Variants in PLA2G6 observed in about 807,000 individuals in gnomAD.
PLA2G6 encodes phospholipase A2 group VI, also known as 85/88 kDa calcium-independent phospholipase A2.
Under a neutral mutation model 83.8 loss-of-function variants are expected in PLA2G6, and 62 were observed. The observed-to-expected ratio is 0.74, with a 90% confidence interval of 0.60 to 0.91. The LOEUF (loss-of-function observed/expected upper bound fraction) is 0.91, where lower values mean the gene tolerates loss of function less well. PLA2G6 is among the 40% of genes least tolerant of loss of function. The pLI is 0.00. For missense variants in PLA2G6, 944 were observed against 1,102.0 expected, an observed-to-expected ratio of 0.86 and a Z score of 2.03; for synonymous variants, 417 against 449.8, an observed-to-expected ratio of 0.93 and a Z score of 0.92.
chr22:38,128,867 GCAGACACACACGTGTGCA>G lies in PLA2G6; in HGVS notation c.1187-455_1187-438del, dbSNP rs1340970719. Among the ~76,000 whole-genome samples the G allele has an allele frequency of 1.3e-5, 2 of 152,250 alleles. No homozygotes were observed. Among genetic ancestry groups the G allele is most frequent in the African/African-American group, 4.8e-5 (2 of 41,474 alleles). ...AAAGGAGGTCATAGATGCGGTGCAT[GCAGACACACACGTGTGCA>G]CTGGCACACACACACTGCTGCCATC... is the stretch of plus-strand genomic sequence containing the variant. On this transcript the variant is annotated intron_variant, in intron 8 of 16. Transcript: ENST00000332509. This position sits in a 1 kb window ranked among gnomAD's most constrained non-coding sequence, Gnocchi z 4.4.
In PLA2G6 at chr22:38,155,187, A is replaced by C. The variant is rs138344548; in HGVS notation, c.210-9534T>G. ...GCTTGCAGTGAGCGGAAATCGCGCC[A>C]CTGCACTCCAGCCTGGGCGACAGAG... On this transcript the variant is annotated intron_variant, in intron 2 of 16. Transcript: ENST00000332509. Among the ~76,000 whole-genome samples the C allele has an allele frequency of 5.4e-3, 821 of 152,008 alleles. 7 individuals carry two copies. Among genetic ancestry groups the C allele is most frequent in the African/African-American group, 0.019 (783 of 41,468 alleles).
intron 2 of PLA2G6, among the ~76,000 whole-genome samples, chr22:38,153,868 CA>C (rs1344735363): frequency 6.6e-6 from 1 of 152,172 alleles, no homozygotes; most frequent in Non-Finnish European, 1.5e-5. Flanking sequence ...GAGGGGAGCC[CA>C]CTACCCTAAA....
chr22:38,121,092 T>G, intron 11 of PLA2G6, 183 bp from the exon 12 acceptor site: 2 of 613,228 alleles, frequency 3.3e-6, no homozygotes, highest in Non-Finnish European at 5.7e-6. Flanking sequence ...AGAAACCTCC[T>G]TCCGGCTGGA....
intron 4 of PLA2G6, 90 bp downstream of exon 4, chr22:38,143,015 T>C (rs2089011446): frequency 1.2e-5 from 15 of 1,224,350 alleles, no homozygotes; most frequent in Middle Eastern, 1.9e-4. Context: ...GTGAGAGGCC[T>C]GAGAGTGACA....
intron 10 of PLA2G6, among the ~76,000 whole-genome samples, chr22:38,125,347 C>T (rs773874788): frequency 1.2e-4 from 19 of 152,076 alleles, no homozygotes; most frequent in East Asian, 1.9e-4. Flanking sequence ...CGTGTGCCCG[C>T]GTGCAAGAGC....
intron 2 of PLA2G6, among the ~76,000 whole-genome samples, chr22:38,165,975 C>T (rs1016803184): frequency 5.9e-5 from 9 of 152,326 alleles, no homozygotes; most frequent in Non-Finnish European, 1.0e-4. Flanking sequence ...CTGGAAACAG[C>T]GCTGTGACAG....
chr22:38,113,373 G>T, intron 15 of PLA2G6, 114 bp downstream of exon 15: 1 of 1,048,064 alleles, frequency 9.5e-7, no homozygotes, highest in Non-Finnish European at 1.5e-6. Flanking sequence ...TAAAGGCGAT[G>T]GACAGAGCCC....
intron 2 of PLA2G6, among the ~76,000 whole-genome samples, chr22:38,162,673 G>A (rs1338572269): frequency 6.6e-6 from 1 of 152,182 alleles, no homozygotes; most frequent in African/African-American, 2.4e-5. Flanking sequence ...ACATCTTTGA[G>A]GATGTGGGGG....
intron 11 of PLA2G6, among the ~76,000 whole-genome samples, chr22:38,121,617 G>A (rs1484672510): frequency 6.6e-6 from 1 of 152,184 alleles, no homozygotes; most frequent in Non-Finnish European, 1.5e-5. Flanking sequence ...CCAGGGCCAG[G>A]GATGTACAAG....
Position 38,113,483 on chromosome 22 carries a change from T to C in PLA2G6, c.2202+4A>G, listed in dbSNP as rs757339823. On this transcript the variant is annotated splice_donor_region_variant and intron_variant, in intron 15 of 16. Coordinates refer to ENST00000332509, the MANE Select transcript of PLA2G6 (RefSeq NM_003560.4). The stretch of plus-strand genomic sequence containing the variant: ...AGTGGCCTGGGGGAGGGGCCCACAC[T>C]CACACAGTCCACCACCATCTTGCCC... 4.3e-6 allele frequency: 7 copies of C among 1,613,720 alleles called. No homozygotes were observed. In the Admixed American group the frequency reaches 1.2e-4, roughly 27 times the overall value.
Position 38,140,148 on chromosome 22 carries a change from C to A in PLA2G6, c.631G>T (p.Ala211Ser). 1 of 1,614,110 alleles carries A rather than the reference C, an allele frequency of 6.2e-7. No individual in the cohort carries two copies. Among genetic ancestry groups the A allele is most frequent in the Non-Finnish European group, 8.5e-7 (1 of 1,180,012 alleles). ...TGGTTATTCACCTGGTTCAGGCCAG[C>A]CACTGCGTTCCTTCCAAGGAGCTGA... is the stretch of plus-strand genomic sequence containing the variant. ...VLQLLGRNAVAGLNQVNNQGL... is the reference protein window; with the variant it reads ...VLQLLGRNAVSGLNQVNNQGL... The change falls in exon 5 of 17, where the codon GCT (alanine) becomes TCT (serine). Residue 211 changes from alanine to serine, a missense_variant. Coordinates refer to ENST00000332509, the MANE Select transcript of PLA2G6 (RefSeq NM_003560.4).
At chr22:38,155,831 T>C (rs576285304) in intron 2 of PLA2G6, among the ~76,000 whole-genome samples, 1 of 152,274 alleles carries the variant, frequency 6.6e-6, no homozygotes, top group East Asian at 1.9e-4. Context: ...TACTTGTCAG[T>C]AATAACATTG....
chr22:38,123,537 C>T lies in PLA2G6; in HGVS notation c.1428-279G>A, dbSNP rs2087651000. ...GGCGCCATCCCAGCAGGATCTCGGCCAGTCTCCCCAACTTGGGACACCTGA... is the reference window on the plus strand; with the variant it reads ...GGCGCCATCCCAGCAGGATCTCGGCTAGTCTCCCCAACTTGGGACACCTGA... On this transcript the variant is annotated intron_variant, in intron 10 of 16. Coordinates refer to ENST00000332509, the MANE Select transcript of PLA2G6 (RefSeq NM_003560.4). The surrounding 1 kb of genome is among the most constrained non-coding windows in gnomAD (Gnocchi z 4.1). Among the ~76,000 whole-genome samples, 1 of 152,118 alleles carries T rather than the reference C, an allele frequency of 6.6e-6. No individual in the cohort carries two copies. Among genetic ancestry groups the T allele is most frequent in the African/African-American group, 2.4e-5 (1 of 41,432 alleles).
chr22:38,159,603 G>T (rs1249826381), intron 2 of PLA2G6, among the ~76,000 whole-genome samples: 1 of 152,104 alleles, frequency 6.6e-6, no homozygotes, highest in Non-Finnish European at 1.5e-5. Flanking sequence ...GGTGGTGCGT[G>T]CCTGTAGTCC....
intron 13 of PLA2G6, 58 bp from the exon 14 acceptor site, chr22:38,115,739 C>T: frequency 1.3e-6 from 2 of 1,544,616 alleles, no homozygotes; most frequent in Non-Finnish European, 1.7e-6. Context: ...AAAACCCATG[C>T]ACTCCAGATC....
At chr22:38,118,692 T>C (rs1172532208) in intron 12 of PLA2G6, among the ~76,000 whole-genome samples, 2 of 152,154 alleles carry the variant, frequency 1.3e-5, no homozygotes, top group Admixed American at 6.5e-5. Context: ...ACCCATGTTC[T>C]TAATGGAGTA....
chr22:38,156,924 A>G (rs1310946892), intron 2 of PLA2G6, among the ~76,000 whole-genome samples: 1 of 152,200 alleles, frequency 6.6e-6, no homozygotes, highest in Non-Finnish European at 1.5e-5. Context: ...AAACATCCTG[A>G]AACAAATGAT....
chr22:38,151,249 T>A (rs778984900), intron 2 of PLA2G6, among the ~76,000 whole-genome samples: 9 of 151,530 alleles, frequency 5.9e-5, no homozygotes, highest in Non-Finnish European at 8.8e-5. Context: ...TTTCTTTCCT[T>A]CTTTTTTTTT....
intron 2 of PLA2G6, among the ~76,000 whole-genome samples, chr22:38,150,986 T>G (rs5756933): frequency 6.6e-6 from 1 of 151,768 alleles, no homozygotes; most frequent in Non-Finnish European, 1.5e-5. Context: ...ACTCAGGAGG[T>G]TGAGGGAGGA....
Sources: gnomAD v4.1 joint callset for allele counts (sites outside exome capture counted in the v4.1 genomes callset) on GRCh38, gnomAD v4.1.1 for gene constraint, Gnocchi (gnomAD v3.1) non-coding constraint, MANE v1.5 for transcripts, NCBI Gene and HGNC (gene_info 2026-07-23, HGNC 2026-07-21) for gene names.